CUX2: variants seen among roughly 807,000 people sequenced by gnomAD.
The protein encoded by CUX2 is cut like homeobox 2, also known as homeobox protein cut-like 2.
In CUX2, 40 loss-of-function variants were observed where a neutral mutation model predicts 144.8. That is an observed-to-expected ratio of 0.28 (90% CI 0.21 to 0.36). CUX2 has a LOEUF of 0.36. Ranked by LOEUF, CUX2 falls within the 10% of genes least tolerant of loss-of-function variation. The pLI is 1.00. For synonymous variants in CUX2, 827 were observed against 875.6 expected, an observed-to-expected ratio of 0.94 and a Z score of 0.98; for missense variants, 1,615 against 1,994.0, an observed-to-expected ratio of 0.81 and a Z score of 3.62.
chr12:111,113,846 C>T (rs952176705), intron 1 of CUX2, among the ~76,000 whole-genome samples: 6 of 152,188 alleles, frequency 3.9e-5, no homozygotes, highest in East Asian at 3.8e-4. Flanking sequence ...CGTGAGCTGC[C>T]GCGTCTGGCC....
At chr12:111,291,353 A>AG in intron 4 of CUX2, 65 bp from the exon 5 acceptor site, 2 of 1,513,126 alleles carry the variant, frequency 1.3e-6, no homozygotes, top group South Asian at 2.7e-5. Flanking sequence ...CAGGCCCTGC[A>AG]GCCACAGCCC....
intron 1 of CUX2, among the ~76,000 whole-genome samples, chr12:111,069,202 G>A (rs1871149061): frequency 6.6e-6 from 1 of 152,172 alleles, no homozygotes; most frequent in Non-Finnish European, 1.5e-5. Context: ...GGGTTGTTAG[G>A]TTTAGTGAAG....
intron 1 of CUX2, among the ~76,000 whole-genome samples, chr12:111,049,872 T>A (rs1870179304): frequency 6.6e-6 from 1 of 152,154 alleles, no homozygotes; most frequent in Non-Finnish European, 1.5e-5. Context: ...GATCATCAGG[T>A]CTGCCACTAG....
chr12:111,139,136 G>T (rs961389605), intron 1 of CUX2, among the ~76,000 whole-genome samples: 6 of 152,060 alleles, frequency 3.9e-5, no homozygotes, highest in African/African-American at 1.2e-4. Flanking sequence ...CAGGGACTTC[G>T]TGGGGGGCAT....
rs1303374384 is a variant in CUX2, at chr12:111,186,705, G to T, written c.64-27495G>T. ...GAGCCTCTGTTTCCTTCTCTGCGAA[G>T]TGGAGATGGTGATGGTGCATACCTG... On this transcript the variant is annotated intron_variant, in intron 1 of 21. Coordinates refer to ENST00000261726, the MANE Select transcript of CUX2 (RefSeq NM_015267.4). This position sits in a 1 kb window ranked among gnomAD's most constrained non-coding sequence, Gnocchi z 4.4. 6.6e-6 allele frequency among the ~76,000 whole-genome samples: 1 copy of T among 152,182 alleles called. No individual in the cohort carries two copies. Among genetic ancestry groups the T allele is most frequent in the African/African-American group, 2.4e-5 (1 of 41,444 alleles).
intron 3 of CUX2, among the ~76,000 whole-genome samples, chr12:111,232,325 T>C (rs1365765820): frequency 6.6e-6 from 1 of 151,324 alleles, no homozygotes; most frequent in African/African-American, 2.4e-5. Flanking sequence ...AACATAGTGA[T>C]ACCCCTTCTC....
intron 1 of CUX2, among the ~76,000 whole-genome samples, chr12:111,053,690 C>T (rs1870385740): frequency 6.6e-6 from 1 of 152,248 alleles, no homozygotes; most frequent in South Asian, 2.1e-4. Context: ...TTTTAGGTCT[C>T]ACTTGGACAT....
Position 111,249,425 on chromosome 12 carries a change from A to T in CUX2, c.223-14336A>T, listed in dbSNP as rs1228446364. ...CTTTTTTTTTTTTTTTTTTTTTTTA[A>T]ATTAATAGACCCTTTTTTTGTTTTT... is the stretch of plus-strand genomic sequence containing the variant. On this transcript the variant is annotated intron_variant, in intron 3 of 21. Transcript: ENST00000261726. Among the ~76,000 whole-genome samples the T allele has an allele frequency of 8.9e-5, 12 of 135,452 alleles. 1 individual carries two copies. Among genetic ancestry groups the T allele is most frequent in the Admixed American group, 8.0e-4 (11 of 13,748 alleles). 88.9% of individuals were successfully genotyped at this position (135,452 alleles called of 152,430 possible).
At chr12:111,103,365 G>C (rs1873387406) in intron 1 of CUX2, among the ~76,000 whole-genome samples, 1 of 152,228 alleles carries the variant, frequency 6.6e-6, no homozygotes, top group Non-Finnish European at 1.5e-5. Context: ...TCACTTAACT[G>C]AGTGTGATGG....
At chr12:111,202,853 A>G (rs1880678936) in intron 1 of CUX2, among the ~76,000 whole-genome samples, 1 of 152,134 alleles carries the variant, frequency 6.6e-6, no homozygotes, top group African/African-American at 2.4e-5. Context: ...AGAAGGTGGT[A>G]TAAGAGCTAA....
In CUX2 at chr12:111,034,588, C is replaced by T. The variant is rs1015564203; in HGVS notation, c.63+348C>T. ...GCTGCTGGCGGGAACCCCCGGCGGTCCCCCCTGAGCCGCACTTTGCGCGCC... is the reference window on the plus strand; with the variant it reads ...GCTGCTGGCGGGAACCCCCGGCGGTTCCCCCTGAGCCGCACTTTGCGCGCC... On this transcript the variant is annotated intron_variant, in intron 1 of 21. Transcript: ENST00000261726. This position sits in a 1 kb window ranked among gnomAD's most constrained non-coding sequence, Gnocchi z 4.2. Among the ~76,000 whole-genome samples the T allele has an allele frequency of 6.6e-6, 1 of 151,324 alleles. No individual in the cohort carries two copies. Among genetic ancestry groups the T allele is most frequent in the African/African-American group, 2.4e-5 (1 of 41,480 alleles).
At chr12:111,267,214 A>AG (rs1555209941) in intron 4 of CUX2, among the ~76,000 whole-genome samples, 2,976 of 148,600 alleles carry the variant, frequency 0.02, 36 homozygotes, top group Middle Eastern at 0.035. Context: ...AAAAAAAAAA[A>AG]AAAGAAAGAA....
chr12:111,341,913 G>A lies in CUX2; in HGVS notation c.3519G>A (p.Val1173=). ...TCCTGCAGATCAAGAAGCCCCGGGT[G>A]GTGCTGGCACCCGAGGAGAAGGAGG... ...LSLLQIKKPR[V]VLAPEEKEAL... is the part of the protein sequence containing the mutation. The change falls in exon 21 of 22, where the codon GTG becomes GTA. Residue 1173 remains valine (V), a synonymous_variant. Transcript: ENST00000261726. 1 of 1,614,116 alleles carries A rather than the reference G, an allele frequency of 6.2e-7. No individual in the cohort carries two copies. The highest frequency in any genetic ancestry group is 8.5e-7 in the Non-Finnish European group (1 of 1,180,028).
At position 111,057,534 on chromosome 12, in the gene CUX2, C is replaced by T. The variant is rs1215599378; in HGVS notation, c.63+23294C>T. Among the ~76,000 whole-genome samples, 2 of 152,192 alleles carry T rather than the reference C, an allele frequency of 1.3e-5. No individual in the cohort carries two copies. The highest frequency in any genetic ancestry group is 1.9e-4 in the East Asian group (1 of 5,184). On this transcript the variant is annotated intron_variant, in intron 1 of 21. Transcript: ENST00000261726. The surrounding 1 kb of genome is among the most constrained non-coding windows in gnomAD (Gnocchi z 5.1). ...CTCAGGGTGACCAGGCCGATTCCAA[C>T]GTGGGGACCCAGACCTCCTTACACG...
chr12:111,319,962 T>C (rs769320320), intron 16 of CUX2, 50 bp from the exon 17 acceptor site: 5 of 1,419,728 alleles, frequency 3.5e-6, no homozygotes, highest in Non-Finnish European at 4.6e-6. Flanking sequence ...GTCCCCTGCA[T>C]GCCGAGCCCT....
rs539352044 is a variant in CUX2, at chr12:111,035,967, G to A, written c.63+1727G>A. 9.8e-5 allele frequency among the ~76,000 whole-genome samples: 15 copies of A among 152,326 alleles called. No individual in the cohort carries two copies. In the East Asian group the frequency reaches 1.4e-3, roughly 14 times the overall value. ...GGGGTTATGGAGGCAGAGAGAGAGA[G>A]AGAGAGGGAGAATTGGGCAGCCACA... On this transcript the variant is annotated intron_variant, in intron 1 of 21. Transcript: ENST00000261726. The surrounding 1 kb of genome is among the most constrained non-coding windows in gnomAD (Gnocchi z 6.0).
intron 1 of CUX2, among the ~76,000 whole-genome samples, chr12:111,143,523 T>C (rs1592935979): frequency 6.6e-6 from 1 of 152,230 alleles, no homozygotes; most frequent in Non-Finnish European, 1.5e-5. Flanking sequence ...ATGGATTACA[T>C]TGATGTACCA....
At chr12:111,279,613 A>C (rs542749765) in intron 4 of CUX2, among the ~76,000 whole-genome samples, 98 of 151,980 alleles carry the variant, frequency 6.4e-4, no homozygotes, top group Non-Finnish European at 9.4e-4. Flanking sequence ...GCTGGAACCC[A>C]GGAGTTTGGC....
intron 14 of CUX2, among the ~76,000 whole-genome samples, chr12:111,309,323 A>G (rs1371344907): frequency 6.6e-6 from 1 of 152,158 alleles, no homozygotes; most frequent in African/African-American, 2.4e-5. Flanking sequence ...AGGTCTAGTG[A>G]GTCAGCTCCA....
Sources: gnomAD v4.1 joint callset for allele counts (sites outside exome capture counted in the v4.1 genomes callset) on GRCh38, gnomAD v4.1.1 for gene constraint, Gnocchi (gnomAD v3.1) non-coding constraint, MANE v1.5 for transcripts, NCBI Gene and HGNC (gene_info 2026-07-23, HGNC 2026-07-21) for gene names.